UNC5C: variants seen among roughly 807,000 people sequenced by gnomAD.
UNC5C encodes the protein netrin receptor UNC5C.
A neutral mutation model predicts 99.8 loss-of-function variants in UNC5C; 47 were observed. The observed-to-expected ratio is 0.47, with a 90% confidence interval of 0.37 to 0.60. The LOEUF is 0.60. Among genes scored for constraint, UNC5C ranks in the 20% least tolerant of loss-of-function variants. The pLI is 0.00. For missense variants in UNC5C, 1,062 were observed against 1,165.9 expected (o/e 0.91, Z 1.30); for synonymous variants, 487 against 452.2 (o/e 1.08, Z -0.98).
intron 1 of UNC5C, among the ~76,000 whole-genome samples, chr4:95,444,417 G>GC (rs1247934605): frequency 2.7e-5 from 4 of 150,038 alleles, no homozygotes; most frequent in Non-Finnish European, 5.9e-5. Context: ...TGCAGGATCC[G>GC]CCCCCCTGGC....
At chr4:95,176,497 T>C (rs1360023600) in intron 14 of UNC5C, among the ~76,000 whole-genome samples, 81 of 152,100 alleles carry the variant, frequency 5.3e-4, no homozygotes, top group Non-Finnish European at 8.8e-4. Flanking sequence ...TTGGAATACC[T>C]GGCCGTGTGA....
chr4:95,339,201 G>A lies in UNC5C; in HGVS notation c.125-3570C>T, dbSNP rs563285306. ...AGGCTCATATCAATTCTCTAAGCAA[G>A]CGTATTTGCAATGGTGTGCAAGGGA... On this transcript the variant is annotated intron_variant, in intron 1 of 15. Transcript: ENST00000453304. Among the ~76,000 whole-genome samples the A allele has an allele frequency of 2.0e-5, 3 of 152,194 alleles. 1 individual carries two copies. In the South Asian group the frequency reaches 6.2e-4, roughly 32 times the overall value.
chr4:95,331,122 A>G (rs1405351460), intron 2 of UNC5C, among the ~76,000 whole-genome samples: 1 of 152,144 alleles, frequency 6.6e-6, no homozygotes, highest in African/African-American at 2.4e-5. Flanking sequence ...TTCCAGTTCC[A>G]TCCATGTTGC....
At chr4:95,313,209 T>C (rs900905490) in intron 2 of UNC5C, among the ~76,000 whole-genome samples, 1 of 151,974 alleles carries the variant, frequency 6.6e-6, no homozygotes, top group Non-Finnish European at 1.5e-5. Flanking sequence ...ATTCATTGAG[T>C]AAAGGAATAA....
chr4:95,178,279 C>T (rs1469921852), intron 14 of UNC5C, among the ~76,000 whole-genome samples: 1 of 152,186 alleles, frequency 6.6e-6, no homozygotes, highest in East Asian at 1.9e-4. Context: ...TGATCTCTGT[C>T]AGGCAAAGTC....
chr4:95,172,492 A>T (rs1238643053), intron 14 of UNC5C, among the ~76,000 whole-genome samples: 1 of 152,230 alleles, frequency 6.6e-6, no homozygotes, highest in African/African-American at 2.4e-5. Flanking sequence ...TTTATTAAAT[A>T]GGGAATCATT....
At position 95,167,266 on chromosome 4, in the gene UNC5C, G is replaced by C. The variant is rs576040601; in HGVS notation, c.*1968C>G. On this transcript the variant is annotated 3_prime_UTR_variant, in exon 16 of 16. Coordinates refer to ENST00000453304, the MANE Select transcript of UNC5C (RefSeq NM_003728.4). ...ACATGTCTGCTTGTTCTTCAGTTTT[G>C]GTTTTGCTACTGGGCTTTGATTCTT... The C allele has an allele frequency of 1.3e-5, 2 of 152,264 alleles. No individual in the cohort carries two copies. Among genetic ancestry groups the C allele is most frequent in the East Asian group, 3.9e-4 (2 of 5,180 alleles). 9.4% of individuals were successfully genotyped at this position (152,264 alleles called of 1,614,324 possible).
intron 1 of UNC5C, among the ~76,000 whole-genome samples, chr4:95,364,454 A>C (rs1322661283): frequency 6.6e-6 from 1 of 152,136 alleles, no homozygotes; most frequent in African/African-American, 2.4e-5. Context: ...TTATCTTCAA[A>C]ATGACTGATA....
At chr4:95,470,523 C>T (rs1297475397) in intron 1 of UNC5C, among the ~76,000 whole-genome samples, 2 of 151,922 alleles carry the variant, frequency 1.3e-5, no homozygotes, top group Admixed American at 1.3e-4. Flanking sequence ...GGGCAGCCCA[C>T]CTTGAGTAGC....
At chr4:95,265,766 T>C (rs1226214730) in intron 4 of UNC5C, among the ~76,000 whole-genome samples, 1 of 152,200 alleles carries the variant, frequency 6.6e-6, no homozygotes. Context: ...CAGGCAGAGT[T>C]GGCTTTGAAT....
At chr4:95,471,968 A>G (rs913673619) in intron 1 of UNC5C, among the ~76,000 whole-genome samples, 1 of 152,156 alleles carries the variant, frequency 6.6e-6, no homozygotes, top group African/African-American at 2.4e-5. Flanking sequence ...AGCTGTGCAG[A>G]AAGAATCACA....
At chr4:95,421,627 C>CACACAG (rs1181889710) in intron 1 of UNC5C, among the ~76,000 whole-genome samples, 2 of 151,816 alleles carry the variant, frequency 1.3e-5, no homozygotes, top group Non-Finnish European at 2.9e-5. Flanking sequence ...TTTACACACA[C>CACACAG]ACACACACAC....
intron 2 of UNC5C, among the ~76,000 whole-genome samples, chr4:95,315,543 C>T (rs920011319): frequency 1.3e-5 from 2 of 152,278 alleles, no homozygotes; most frequent in African/African-American, 4.8e-5. Context: ...CTATTCATAT[C>T]TCCAGGCAAA....
chr4:95,471,852 C>T (rs78116594), intron 1 of UNC5C, among the ~76,000 whole-genome samples: 2 of 151,204 alleles, frequency 1.3e-5, no homozygotes, highest in Non-Finnish European at 1.5e-5. Context: ...AGTCTGATTT[C>T]TTTTCTCTTT....
chr4:95,183,024 C>G lies in UNC5C; in HGVS notation c.2324G>C (p.Arg775Thr), dbSNP rs1370112761. Residue 775 changes from arginine (R) to threonine (T), a missense_variant, in exon 14 of 16, where the codon AGA becomes ACA. Physicochemically the swap from Arg to Thr is moderately conservative, Grantham distance 71. Around this residue, in one of 3 missense-constraint regions of UNC5C, gnomAD observed 810 missense variants for 854.5 expected, o/e 0.95. Coordinates refer to ENST00000453304, the MANE Select transcript of UNC5C (RefSeq NM_003728.4). ...CAGAGTGAAGGTGCAGTGCAGGTTTCTTTGAGATCCACTCCAAACATGGTA... is the reference window on the plus strand; with the variant it reads ...CAGAGTGAAGGTGCAGTGCAGGTTTGTTTGAGATCCACTCCAAACATGGTA... ...PFYHVWSGSQ[R>T]NLHCTFTLER... The G allele has an allele frequency of 6.2e-7, 1 of 1,611,316 alleles. No individual in the cohort carries two copies. The highest frequency in any genetic ancestry group is 1.3e-5 in the African/African-American group (1 of 74,884).
intron 1 of UNC5C, among the ~76,000 whole-genome samples, chr4:95,368,822 T>C (rs1466353214): frequency 6.6e-6 from 1 of 152,218 alleles, no homozygotes; most frequent in Non-Finnish European, 1.5e-5. Flanking sequence ...TTGCAAAATA[T>C]ATTCAACATT....
chr4:95,389,529 T>C (rs1459758313), intron 1 of UNC5C, among the ~76,000 whole-genome samples: 1 of 152,208 alleles, frequency 6.6e-6, no homozygotes, highest in African/African-American at 2.4e-5. Flanking sequence ...ATTTGAAATG[T>C]GGCTGATATA....
intron 2 of UNC5C, among the ~76,000 whole-genome samples, chr4:95,319,169 T>G (rs187039969): frequency 6.6e-6 from 1 of 152,226 alleles, no homozygotes; most frequent in Non-Finnish European, 1.5e-5. Context: ...CAAGCCTGGT[T>G]GTACATTAGC....
intron 10 of UNC5C, among the ~76,000 whole-genome samples, chr4:95,208,897 A>G (rs1436022577): frequency 3.3e-5 from 5 of 152,164 alleles, no homozygotes; most frequent in Non-Finnish European, 5.9e-5. Context: ...GCTTTTATCT[A>G]TGGGTACCCT....
Sources: allele counts gnomAD v4.1 joint callset (sites outside exome capture counted in the v4.1 genomes callset), GRCh38; gene constraint gnomAD v4.1.1; regional missense constraint gnomAD v4.1.1; transcripts MANE v1.5; gene names NCBI Gene and HGNC (gene_info 2026-07-23, HGNC 2026-07-21).